LRRC66: variants seen among roughly 807,000 people sequenced by gnomAD.
LRRC66 encodes the protein leucine-rich repeat-containing protein 66.
A neutral mutation model predicts 24.6 loss-of-function variants in LRRC66; 29 were observed. That is an observed-to-expected ratio of 1.18 (90% CI 0.88 to 1.61). The LOEUF is 1.61. Among genes scored for constraint, LRRC66 ranks in the 40% most tolerant of loss-of-function variants. The probability of loss-of-function intolerance (pLI) is 0.00; values close to 1 mark genes in which losing one functional copy is unlikely to be tolerated. For synonymous variants in LRRC66, 411 were observed against 397.6 expected, an observed-to-expected ratio of 1.03 and a Z score of -0.40; for missense variants, 1,124 against 1,058.0, an observed-to-expected ratio of 1.06 and a Z score of -0.87.
intron 3 of LRRC66, 89 bp downstream of exon 3, chr4:52,003,134 C>A: frequency 9.9e-7 from 1 of 1,009,468 alleles, no homozygotes. Context: ...TACTACTGGA[C>A]ATGAAGAAAC....
At chr4:52,003,519 T>A in intron 2 of LRRC66, 127 bp from the exon 3 acceptor site, 1 of 703,516 alleles carries the variant, frequency 1.4e-6, no homozygotes, top group Non-Finnish European at 2.4e-6. Flanking sequence ...CAACGTATGG[T>A]ATATTAATAC....
Position 51,996,051 on chromosome 4 carries a change from G to T in LRRC66, c.971C>A (p.Pro324His), listed in dbSNP as rs866689125. 1.2e-6 allele frequency: 2 copies of T among 1,613,902 alleles called. No individual in the cohort carries two copies. Among genetic ancestry groups the T allele is most frequent in the African/African-American group, 1.3e-5 (1 of 74,944 alleles). The change falls in exon 5 of 5, where the codon CCC (proline) becomes CAC (histidine). Residue 324 changes from proline (P) to histidine (H), a missense_variant. Physicochemically the swap from Pro to His is moderately conservative, Grantham distance 77 (BLOSUM62 -2). Transcript: ENST00000682860. ...AATGCCCGTGTGCCTTCCTCCCTGGGGCCTCTCTGCTTTGCTCCTTATGAG... is the reference window on the plus strand; with the variant it reads ...AATGCCCGTGTGCCTTCCTCCCTGGTGCCTCTCTGCTTTGCTCCTTATGAG... ...KSLIRSKAER[P>H]QGGRHTGIST...
At chr4:52,000,877 G>T (rs1216606121) in intron 3 of LRRC66, among the ~76,000 whole-genome samples, 1 of 152,210 alleles carries the variant, frequency 6.6e-6, no homozygotes, top group African/African-American at 2.4e-5. Flanking sequence ...GCCATGCCTG[G>T]ATTTCCGTCT....
At chr4:52,011,408 G>A (rs1038075733) in intron 2 of LRRC66, among the ~76,000 whole-genome samples, 8 of 152,168 alleles carry the variant, frequency 5.3e-5, no homozygotes, top group Admixed American at 4.6e-4. Context: ...GTGGTTCAGA[G>A]AGTCAGAGGA....
At chr4:52,016,033 TAATAAAAATAATAC>T (rs1246759102) in intron 2 of LRRC66, among the ~76,000 whole-genome samples, 1 of 152,160 alleles carries the variant, frequency 6.6e-6, no homozygotes, top group Non-Finnish European at 1.5e-5. Flanking sequence ...ATTCTTCTTG[TAATAAAAATAATAC>T]AATAAAAATA....
intron 2 of LRRC66, among the ~76,000 whole-genome samples, chr4:52,008,652 G>T (rs1251007524): frequency 6.6e-6 from 1 of 152,006 alleles, no homozygotes; most frequent in African/African-American, 2.4e-5. Context: ...CTTTAAAACG[G>T]TCAGCCTAGA....
At position 51,994,558 on chromosome 4, in the gene LRRC66, A is replaced by C; in HGVS notation, c.2464T>G (p.Phe822Val). The change falls in exon 5 of 5, where the codon TTC becomes GTC. Residue 822 changes from phenylalanine to valine, a missense_variant. Phe to Val is a conservative substitution (Grantham distance 50). Transcript: ENST00000682860. ...SPLGDEFPGM[F>V]TYDYDTALQS... Reference sequence around the variant, plus strand: ...AGAGCTGTGTCATAATCATAAGTGAACATGCCCGGAAACTCATCCCCTAAG... The same window carrying C: ...AGAGCTGTGTCATAATCATAAGTGACCATGCCCGGAAACTCATCCCCTAAG... 6.2e-7 allele frequency: 1 copy of C among 1,614,162 alleles called. No homozygotes were observed. The highest frequency in any genetic ancestry group is 8.5e-7 in the Non-Finnish European group (1 of 1,180,026).
At chr4:52,004,909 T>C (rs1736539211) in intron 2 of LRRC66, among the ~76,000 whole-genome samples, 1 of 152,220 alleles carries the variant, frequency 6.6e-6, no homozygotes, top group Non-Finnish European at 1.5e-5. Flanking sequence ...CTTTACTCTT[T>C]AAAGAGTTTA....
At chr4:52,009,222 G>C (rs1736648372) in intron 2 of LRRC66, among the ~76,000 whole-genome samples, 1 of 152,066 alleles carries the variant, frequency 6.6e-6, no homozygotes, top group African/African-American at 2.4e-5. Context: ...ATCAAAATTT[G>C]TGGGACGTAG....
intron 2 of LRRC66, among the ~76,000 whole-genome samples, chr4:52,013,599 C>A (rs1736745381): frequency 6.6e-6 from 1 of 152,178 alleles, no homozygotes; most frequent in South Asian, 2.1e-4. Flanking sequence ...AAATTAAATT[C>A]ATGGCTGGCT....
intron 1 of LRRC66, chr4:52,018,166 C>G: frequency 1.0e-6 from 1 of 985,288 alleles, no homozygotes; most frequent in Non-Finnish European, 1.2e-6. Context: ...TGCTGTGTGG[C>G]TTGTGTGACT....
chr4:52,017,394 C>T lies in LRRC66; in HGVS notation c.220G>A (p.Val74Ile), dbSNP rs1313286523. ...TTTTTCGTGTGAGACTGTAAGAGAA[C>T]TCTAAAGAAATTGAAACTTACATCC... ...TVDVSFNFFR[V>I]LLQSHTKKEE... The change falls in exon 2 of 5, where the codon GTT becomes ATT. Residue 74 changes from valine (V) to isoleucine (I), a missense_variant. Physicochemically the swap from Val to Ile is conservative, Grantham distance 29. Transcript: ENST00000682860. 1 of 1,614,148 alleles carries T rather than the reference C, an allele frequency of 6.2e-7. No homozygotes were observed. Among genetic ancestry groups the T allele is most frequent in the Non-Finnish European group, 8.5e-7 (1 of 1,180,012 alleles).
At chr4:52,003,573 C>T (rs1736504427) in intron 2 of LRRC66, among the ~76,000 whole-genome samples, 181 bp from the exon 3 acceptor site, 1 of 152,060 alleles carries the variant, frequency 6.6e-6, no homozygotes, top group Non-Finnish European at 1.5e-5. Context: ...GACAGATCAA[C>T]ATATAAACTG....
At chr4:52,018,692 C>A in intron 1 of LRRC66, 1 of 720,240 alleles carries the variant, frequency 1.4e-6, no homozygotes, top group Non-Finnish European at 1.7e-6. Flanking sequence ...CTCCTTATTG[C>A]CTATAGTCCA....
At chr4:52,015,271 T>A (rs1209195377) in intron 2 of LRRC66, among the ~76,000 whole-genome samples, 2 of 152,138 alleles carry the variant, frequency 1.3e-5, no homozygotes, top group African/African-American at 2.4e-5. Context: ...TTTCTGGCTT[T>A]TGTTTTCCAA....
chr4:52,000,257 C>A (rs894057243), intron 3 of LRRC66, among the ~76,000 whole-genome samples: 2 of 152,122 alleles, frequency 1.3e-5, no homozygotes, highest in African/African-American at 4.8e-5. Context: ...ACATCTATTA[C>A]CTGTGAGTTG....
rs376265091 is a variant in LRRC66, at chr4:51,994,454, T to A, written c.2568A>T (p.Pro856=). ...FSNVDVLQQT[P]PCSAEVPSDP... ...CTGAGGGAACTTCAGCAGAACATGG[T>A]GGTGTTTGCTGTAAAACGTCCACAT... The change falls in exon 5 of 5, where the codon CCA becomes CCT. Residue 856 remains proline, a synonymous_variant. Transcript: ENST00000682860. 1,186 of 1,614,078 alleles carry A rather than the reference T, an allele frequency of 7.3e-4. No homozygotes were observed. The highest frequency in any genetic ancestry group is 9.6e-4 in the Non-Finnish European group (1,136 of 1,180,032).
chr4:51,997,849 G>A lies in LRRC66; in HGVS notation c.755C>T (p.Ala252Val), dbSNP rs2110192412. Reference sequence around the variant, plus strand: ...ATCATCACACTGCCAGTTATTATCAGCCAAGTCAACCACTAGATGGGGAAA... The same window carrying A: ...ATCATCACACTGCCAGTTATTATCAACCAAGTCAACCACTAGATGGGGAAA... Reference protein sequence around the residue: ...LEFPHLVVDLADNNWQCDDSV... With the variant: ...LEFPHLVVDLVDNNWQCDDSV... The change falls in exon 4 of 5, where the codon GCT becomes GTT. Residue 252 changes from alanine (A) to valine (V), a missense_variant. Ala to Val is a moderately conservative substitution (Grantham distance 64). Transcript: ENST00000682860. 1 of 1,613,982 alleles carries A rather than the reference G, an allele frequency of 6.2e-7. No homozygotes were observed.
chr4:52,019,652 T>C (rs1736898950), intron 1 of LRRC66, among the ~76,000 whole-genome samples: 1 of 152,188 alleles, frequency 6.6e-6, no homozygotes, highest in African/African-American at 2.4e-5. Flanking sequence ...AGAAATTGAA[T>C]TGATTTGCCC....
Sources: gnomAD v4.1 joint callset for allele counts (sites outside exome capture counted in the v4.1 genomes callset) on GRCh38, gnomAD v4.1.1 for gene constraint, MANE v1.5 for transcripts, NCBI Gene and HGNC (gene_info 2026-07-23, HGNC 2026-07-21) for gene names.